XKR4: variants seen among roughly 807,000 people sequenced by gnomAD.
XKR4 encodes XK related 4, also known as XK-related protein 4.
XKR4 carries 12 observed loss-of-function variants against 53.9 expected under a neutral mutation model. The ratio of observed to expected loss-of-function variants is 0.22; its 90% CI spans 0.14 to 0.36. The LOEUF is 0.36. Ranked by LOEUF, XKR4 falls within the 10% of genes least tolerant of loss-of-function variation. The pLI is 1.00. For missense variants in XKR4, 799 were observed against 859.5 expected (o/e 0.93, Z 0.88); for synonymous variants, 354 against 362.4 (o/e 0.98, Z 0.26).
Position 55,222,956 on chromosome 8 carries a change from G to A in XKR4, c.806+119662G>A, listed in dbSNP as rs78977763. On this transcript the variant is annotated intron_variant, in intron 1 of 2. Transcript: ENST00000327381. ...CATTAGGGCAACATCATGAGGTTGA[G>A]TTGGCTCCAGTCACTGTTCAGATTC... is the stretch of plus-strand genomic sequence containing the variant. 8.7e-3 allele frequency among the ~76,000 whole-genome samples: 1,324 copies of A among 152,268 alleles called. 14 individuals carry two copies. Among genetic ancestry groups the A allele is most frequent in the Middle Eastern group, 0.031 (9 of 294 alleles).
At chr8:55,504,377 T>G (rs776176342) in intron 2 of XKR4, among the ~76,000 whole-genome samples, 58 of 148,178 alleles carry the variant, frequency 3.9e-4, no homozygotes, top group African/African-American at 1.4e-3. Context: ...CACACCTGGC[T>G]AATTTTTTTT....
chr8:55,111,957 AAT>A (rs944423710), intron 1 of XKR4, among the ~76,000 whole-genome samples: 6 of 152,190 alleles, frequency 3.9e-5, no homozygotes, highest in Non-Finnish European at 8.8e-5. Context: ...CCTTGTTAAA[AAT>A]AGGGGTATGG....
At chr8:55,449,829 A>C (rs1805403926) in intron 2 of XKR4, 4 of 1,164,090 alleles carry the variant, frequency 3.4e-6, no homozygotes, top group Non-Finnish European at 5.2e-6. Flanking sequence ...GTGCCCTCGT[A>C]GGACCTGTTC....
intron 1 of XKR4, among the ~76,000 whole-genome samples, chr8:55,265,562 A>G (rs1818585976): frequency 6.6e-6 from 1 of 152,130 alleles, no homozygotes; most frequent in South Asian, 2.1e-4. Flanking sequence ...TAAGAGTAAG[A>G]AAGGGAGGGG....
intron 1 of XKR4, among the ~76,000 whole-genome samples, chr8:55,331,276 C>T (rs192843140): frequency 1.1e-4 from 16 of 152,220 alleles, no homozygotes; most frequent in African/African-American, 2.9e-4. Context: ...TTTTCTACTG[C>T]CATTGATTTC....
chr8:55,507,617 C>T (rs889729900), intron 2 of XKR4, among the ~76,000 whole-genome samples: 25 of 152,144 alleles, frequency 1.6e-4, no homozygotes, highest in African/African-American at 5.3e-4. Flanking sequence ...TTTGTCCTTG[C>T]GATAGTTTGC....
In XKR4 at chr8:55,119,125, C is replaced by T. The variant is rs142921020; in HGVS notation, c.806+15831C>T. ...ATTCACTCTAAGCAGGCTCTGAGCA[C>T]GCACACGTTATTAAAATGTGCTCTC... On this transcript the variant is annotated intron_variant, in intron 1 of 2. Transcript: ENST00000327381. Among the ~76,000 whole-genome samples the T allele has an allele frequency of 1.2e-4, 19 of 152,272 alleles. No homozygotes were observed. The East Asian group carries it at 1.4e-3, about 11-fold the overall frequency.
intron 1 of XKR4, among the ~76,000 whole-genome samples, chr8:55,183,276 G>C (rs1247192203): frequency 6.6e-6 from 1 of 150,756 alleles, no homozygotes; most frequent in East Asian, 2.0e-4. Flanking sequence ...GATTGGAATT[G>C]ATCTTTTTTC....
At chr8:55,280,172 C>A (rs939314464) in intron 1 of XKR4, among the ~76,000 whole-genome samples, 9 of 152,138 alleles carry the variant, frequency 5.9e-5, no homozygotes, top group Admixed American at 2.6e-4. Flanking sequence ...GTTCCAATAT[C>A]CCTGACCAAA....
intron 2 of XKR4, among the ~76,000 whole-genome samples, chr8:55,406,680 C>T (rs1002345087): frequency 2.0e-5 from 3 of 152,224 alleles, no homozygotes; most frequent in African/African-American, 7.2e-5. Flanking sequence ...GCTTCTGAGC[C>T]TCATTTGCCC....
At chr8:55,425,315 T>A (rs747077174) in intron 2 of XKR4, among the ~76,000 whole-genome samples, 9 of 152,242 alleles carry the variant, frequency 5.9e-5, no homozygotes, top group African/African-American at 1.2e-4. Flanking sequence ...GGGATTTGAA[T>A]GCTCACCTGG....
At chr8:55,500,428 A>G (rs780612167) in intron 2 of XKR4, among the ~76,000 whole-genome samples, 7 of 152,176 alleles carry the variant, frequency 4.6e-5, no homozygotes, top group Non-Finnish European at 7.3e-5. Flanking sequence ...ATTTTACCAC[A>G]TTGACAAGAT....
rs1215214251 is a variant in XKR4, at chr8:55,540,862, G to A, written c.*16635G>A. On this transcript the variant is annotated 3_prime_UTR_variant, in exon 3 of 3. Coordinates refer to ENST00000327381, the MANE Select transcript of XKR4 (RefSeq NM_052898.2). ...CAATGCAGAAATGGTGTGAGCCTGA[G>A]TTACAAATGACATGACTAGGGATAC... 6.6e-6 allele frequency: 1 copy of A among 152,156 alleles called. No individual in the cohort carries two copies. The highest frequency in any genetic ancestry group is 2.4e-5 in the African/African-American group (1 of 41,440). 9.4% of individuals were successfully genotyped at this position (152,156 alleles called of 1,614,324 possible).
At chr8:55,181,929 T>C (rs1024091400) in intron 1 of XKR4, among the ~76,000 whole-genome samples, 1 of 152,226 alleles carries the variant, frequency 6.6e-6, no homozygotes, top group Non-Finnish European at 1.5e-5. Flanking sequence ...CTATATGTTA[T>C]TAAAATATTT....
intron 1 of XKR4, among the ~76,000 whole-genome samples, chr8:55,252,806 T>C (rs1368156063): frequency 6.6e-6 from 1 of 152,190 alleles, no homozygotes; most frequent in East Asian, 1.9e-4. Flanking sequence ...AGCTGGGACT[T>C]AGCTTGATTC....
chr8:55,307,018 C>T (rs1819311051), intron 1 of XKR4, among the ~76,000 whole-genome samples: 1 of 148,906 alleles, frequency 6.7e-6, no homozygotes, highest in Non-Finnish European at 1.5e-5. Context: ...CTTAAATGTA[C>T]ATTTTAAACC....
At chr8:55,333,065 C>G (rs1803404049) in intron 1 of XKR4, among the ~76,000 whole-genome samples, 1 of 151,808 alleles carries the variant, frequency 6.6e-6, no homozygotes, top group South Asian at 2.1e-4. Flanking sequence ...CAGGATTTCT[C>G]TTTTTAAAAA....
intron 1 of XKR4, among the ~76,000 whole-genome samples, chr8:55,301,459 T>G (rs1435527550): frequency 3.3e-5 from 5 of 152,026 alleles, no homozygotes; most frequent in Non-Finnish European, 7.4e-5. Flanking sequence ...TAAACATACA[T>G]GTGCATGTGT....
intron 2 of XKR4, among the ~76,000 whole-genome samples, chr8:55,369,388 AG>A (rs1804037896): frequency 8.6e-5 from 1 of 11,648 alleles, no homozygotes; most frequent in Non-Finnish European, 1.4e-4. Flanking sequence ...AGGGGAGGGG[AG>A]GGGAGGGGAG....
Sources: gnomAD v4.1 joint callset for allele counts (sites outside exome capture counted in the v4.1 genomes callset) on GRCh38, gnomAD v4.1.1 for gene constraint, MANE v1.5 for transcripts, NCBI Gene and HGNC (gene_info 2026-07-23, HGNC 2026-07-21) for gene names.